MED13: variants seen among roughly 807,000 people sequenced by gnomAD.
The protein encoded by MED13 is mediator of RNA polymerase II transcription subunit 13.
MED13 carries 23 observed loss-of-function variants against 225.2 expected under a neutral mutation model. The ratio of observed to expected loss-of-function variants is 0.10; its 90% confidence interval spans 0.07 to 0.14. The LOEUF (loss-of-function observed/expected upper bound fraction) is 0.14. Among genes scored for constraint, MED13 ranks in the 10% least tolerant of loss-of-function variants. The pLI is 1.00. For synonymous variants in MED13, 942 were observed against 889.2 expected, an observed-to-expected ratio of 1.06 and a Z score of -1.06; for missense variants, 2,197 against 2,594.5, an observed-to-expected ratio of 0.85 and a Z score of 3.33.
chr17:61,972,535 G>A (rs2080119180), intron 17 of MED13, among the ~76,000 whole-genome samples, 192 bp downstream of exon 17: 1 of 152,088 alleles, frequency 6.6e-6, no homozygotes, highest in Non-Finnish European at 1.5e-5. Flanking sequence ...CACTCCTTTT[G>A]AAGTGGAGTT....
intron 9 of MED13, among the ~76,000 whole-genome samples, chr17:62,001,448 GGTGA>G (rs2080394324): frequency 6.6e-6 from 1 of 151,994 alleles, no homozygotes; most frequent in Non-Finnish European, 1.5e-5. Context: ...AACATTACTT[GGTGA>G]GTTTTTCCAA....
rs1352072239 is a variant in MED13 at position 61,943,643 on chromosome 17, TTGG to T, written c.*2822_*2824del. ...ATTTAAGGATTACATATAAGTACAC[TTGG>T]TGGCCTTCTGGCCAAACAATAAGGT... On this transcript the variant is annotated 3_prime_UTR_variant, in exon 30 of 30. Coordinates refer to ENST00000397786, the MANE Select transcript of MED13 (RefSeq NM_005121.3). The T allele has an allele frequency of 6.6e-6, 1 of 152,614 alleles. No homozygotes were observed. The highest frequency in any genetic ancestry group is 1.5e-5 in the Non-Finnish European group (1 of 68,000). 9.5% of individuals were successfully genotyped at this position (152,614 alleles called of 1,614,324 possible).
At chr17:61,971,272 C>G (rs2080105844) in intron 17 of MED13, among the ~76,000 whole-genome samples, 1 of 149,630 alleles carries the variant, frequency 6.7e-6, no homozygotes, top group Non-Finnish European at 1.5e-5. Flanking sequence ...AAATAAATAT[C>G]TACTTTTTTT....
At chr17:62,015,471 T>C (rs2080554289) in intron 8 of MED13, among the ~76,000 whole-genome samples, 1 of 152,158 alleles carries the variant, frequency 6.6e-6, no homozygotes, top group Non-Finnish European at 1.5e-5. Flanking sequence ...AAATACAGCA[T>C]GATTCCATTT....
intron 16 of MED13, 25 bp from the exon 17 acceptor site, chr17:61,972,913 G>A: frequency 6.4e-7 from 1 of 1,561,720 alleles, no homozygotes; most frequent in South Asian, 1.2e-5. Context: ...AAAAAAACAA[G>A]TAATTAAGAA....
At chr17:62,057,432 A>G (rs1225804844) in intron 2 of MED13, among the ~76,000 whole-genome samples, 1 of 152,226 alleles carries the variant, frequency 6.6e-6, no homozygotes, top group Admixed American at 6.5e-5. Flanking sequence ...CAGAAGAAAT[A>G]CAGCAAATGA....
At chr17:62,032,251 G>C (rs1254047520) in intron 5 of MED13, 1 of 151,708 alleles carries the variant, frequency 6.6e-6, no homozygotes, top group Non-Finnish European at 1.5e-5. Flanking sequence ...AGGCAGGTGG[G>C]TCATTTGAAG....
intron 9 of MED13, among the ~76,000 whole-genome samples, chr17:61,998,725 G>A (rs1323692453): frequency 6.7e-6 from 1 of 149,920 alleles, no homozygotes. Flanking sequence ...TCGGCCTCCT[G>A]AGTAGCTGGG....
chr17:61,985,414 C>G (rs961953858), intron 12 of MED13, among the ~76,000 whole-genome samples: 8 of 152,314 alleles, frequency 5.3e-5, no homozygotes, highest in Admixed American at 3.9e-4. Context: ...TAGCTCACAC[C>G]TGTAATCCCA....
chr17:62,031,656 G>C lies in MED13; in HGVS notation c.815-18C>G. Reference sequence around the variant, plus strand: ...GACACCAGCTGAAAGGAAAAAAATGGGACAGGAAAACCAATTACCTTTGTG... The same window carrying C: ...GACACCAGCTGAAAGGAAAAAAATGCGACAGGAAAACCAATTACCTTTGTG... On this transcript the variant is annotated intron_variant, in intron 5 of 29. Transcript: ENST00000397786. 1 of 1,507,248 alleles carries C rather than the reference G, an allele frequency of 6.6e-7. No homozygotes were observed. Among genetic ancestry groups the C allele is most frequent in the Non-Finnish European group, 8.9e-7 (1 of 1,123,924 alleles). The allele number at this position is 1,507,248 out of a possible 1,614,324, so 93.4% of individuals were successfully genotyped here. A position where few individuals can be genotyped will look rare whatever the true frequency, so the allele number is the denominator to read the frequency against.
At chr17:62,037,589 C>T (rs2143699995) in intron 3 of MED13, among the ~76,000 whole-genome samples, 1 of 150,844 alleles carries the variant, frequency 6.6e-6, no homozygotes, top group East Asian at 2.0e-4. Flanking sequence ...ATCGCTTGAA[C>T]CCAGGAGACG....
intron 9 of MED13, chr17:62,005,667 G>A (rs2080439942): frequency 1.3e-5 from 2 of 151,902 alleles, no homozygotes; most frequent in South Asian, 2.1e-4. Context: ...AGATTCAAAG[G>A]GCCAGATGAA....
chr17:61,989,104 C>G (rs957443545), intron 11 of MED13, among the ~76,000 whole-genome samples: 6 of 150,812 alleles, frequency 4.0e-5, no homozygotes, highest in Admixed American at 4.0e-4. Flanking sequence ...CTCTGTCTCC[C>G]GGATTCAAGC....
Position 61,942,974 on chromosome 17 carries a change from T to C in MED13, c.*3494A>G, listed in dbSNP as rs1168203545. 1 of 152,590 alleles carries C rather than the reference T, an allele frequency of 6.6e-6. No homozygotes were observed. Among genetic ancestry groups the C allele is most frequent in the Admixed American group, 6.5e-5 (1 of 15,270 alleles). The allele number at this position is 152,590 out of a possible 1,614,324, so 9.5% of individuals were successfully genotyped here. A position where few individuals can be genotyped will look rare whatever the true frequency, so the allele number is the denominator to read the frequency against. ...TGAAAACTAAAGATGTTTTAAAACT[T>C]CATGAATACATCAACCTGAGGAGTA... On this transcript the variant is annotated 3_prime_UTR_variant, in exon 30 of 30. Coordinates refer to ENST00000397786, the MANE Select transcript of MED13 (RefSeq NM_005121.3).
Position 62,011,261 on chromosome 17 carries a change from T to A in MED13, c.1284-28A>T. ...GAAAAGTGAAAATAAAGGTTTCATA[T>A]TTACAGTATCACTATTATGGCGAAG... On this transcript the variant is annotated intron_variant, in intron 8 of 29. Transcript: ENST00000397786. 8.2e-6 allele frequency: 13 copies of A among 1,580,388 alleles called. No homozygotes were observed. The African/African-American group carries it at 9.5e-5, about 12-fold the overall frequency.
At chr17:61,960,349 A>T (rs1603391776) in intron 23 of MED13, among the ~76,000 whole-genome samples, 1 of 151,788 alleles carries the variant, frequency 6.6e-6, no homozygotes, top group Non-Finnish European at 1.5e-5. Context: ...GCTCACTGCA[A>T]CCTCCGCCTC....
chr17:61,966,196 A>G (rs2080056502), intron 19 of MED13, among the ~76,000 whole-genome samples: 1 of 152,218 alleles, frequency 6.6e-6, no homozygotes, highest in African/African-American at 2.4e-5. Context: ...TTTATAACCC[A>G]TAATTTCTTC....
chr17:62,011,139 C>T lies in MED13; in HGVS notation c.1378G>A (p.Glu460Lys). 6.2e-7 allele frequency: 1 copy of T among 1,614,166 alleles called. No individual in the cohort carries two copies. Among genetic ancestry groups the T allele is most frequent in the Non-Finnish European group, 8.5e-7 (1 of 1,180,032 alleles). Reference protein sequence around the residue: ...QQILPKHKTNEKQEKSEKPQK... With the variant: ...QQILPKHKTNKKQEKSEKPQK... The stretch of plus-strand genomic sequence containing the variant: ...GGCTTTTCACTCTTTTCTTGCTTCT[C>T]ATTGGTCTTGTGCTTAGGAAGTATT... The change falls in exon 9 of 30, where the codon GAG (glutamate) becomes AAG (lysine). Residue 460 changes from glutamate (E) to lysine (K), a missense_variant. Around this residue, in one of 12 missense-constraint regions of MED13, gnomAD observed 884 missense variants for 918.5 expected, o/e 0.96. Coordinates refer to ENST00000397786, the MANE Select transcript of MED13 (RefSeq NM_005121.3).
At chr17:62,021,344 A>ACCCCTCCCCACCTCCCTCCCGGACG (rs2080643261) in intron 8 of MED13, among the ~76,000 whole-genome samples, 1 of 123,900 alleles carries the variant, frequency 8.1e-6, no homozygotes, top group Non-Finnish European at 1.7e-5. Context: ...CCTCCCGGAC[A>ACCCCTCCCCACCTCCCTCCCGGACG]GGGTGGCTGG....
Sources: gnomAD v4.1 joint callset for allele counts (sites outside exome capture counted in the v4.1 genomes callset) on GRCh38, gnomAD v4.1.1 for gene constraint, gnomAD v4.1.1 regional missense constraint, MANE v1.5 for transcripts, NCBI Gene and HGNC (gene_info 2026-07-23, HGNC 2026-07-21) for gene names.